Variants in CELSR3 observed in about 807,000 individuals in gnomAD.
CELSR3 encodes cadherin EGF LAG seven-pass G-type receptor 3.
In CELSR3, 73 loss-of-function variants were observed where a neutral mutation model predicts 270.0. The ratio of observed to expected loss-of-function variants is 0.27; its 90% CI spans 0.22 to 0.33. The LOEUF (loss-of-function observed/expected upper bound fraction) is 0.33. Ranked by LOEUF, CELSR3 falls within the 10% of genes least tolerant of loss-of-function variation. CELSR3 has a pLI of 1.00. For synonymous variants in CELSR3, 1,780 were observed against 1,905.4 expected (o/e 0.93, Z 1.71); for missense variants, 3,614 against 4,533.8 (o/e 0.80, Z 5.83).
chr3:48,642,787 C>G lies in CELSR3; in HGVS notation c.8504G>C (p.Arg2835Pro). ...ASTVSSVSSA[R>P]SGRTQDQDSQ... ...GTCCTGGTCCTGGGTCCGGCCGGAGCGGGCACTGCTCACAGAGGAGACGGT... is the reference window on the plus strand; with the variant it reads ...GTCCTGGTCCTGGGTCCGGCCGGAGGGGGCACTGCTCACAGAGGAGACGGT... Residue 2835 changes from arginine to proline, a missense_variant, in exon 30 of 35, where the codon CGC becomes CCC. Physicochemically the swap from Arg to Pro is moderately radical, Grantham distance 103. Around this residue, in one of 7 missense-constraint regions of CELSR3, gnomAD observed 1,240 missense variants for 1,351.7 expected, o/e 0.92. Coordinates refer to ENST00000164024, the MANE Select transcript of CELSR3 (RefSeq NM_001407.3). The surrounding 1 kb of genome is among the most constrained non-coding windows in gnomAD (Gnocchi z 6.1). 6.2e-7 allele frequency: 1 copy of G among 1,612,766 alleles called. No homozygotes were observed. The highest frequency in any genetic ancestry group is 8.5e-7 in the Non-Finnish European group (1 of 1,179,920).
In CELSR3 at chr3:48,648,252, C is replaced by A. The variant is rs1559478366; in HGVS notation, c.6973+14G>T. On this transcript the variant is annotated intron_variant, in intron 19 of 34. Transcript: ENST00000164024. Reference sequence around the variant, plus strand: ...CCCCCTGCTGTGCCCCGCCCTACCCCACCCACAACGCACTGATATTAGGCG... The same window carrying A: ...CCCCCTGCTGTGCCCCGCCCTACCCAACCCACAACGCACTGATATTAGGCG... 3 of 1,577,548 alleles carry A rather than the reference C, an allele frequency of 1.9e-6. No individual in the cohort carries two copies. In the East Asian group the frequency reaches 6.7e-5, roughly 35 times the overall value.
Position 48,646,160 on chromosome 3 carries a change from G to A in CELSR3, c.7393C>T (p.Leu2465=), listed in dbSNP as rs2047081828. 6.2e-7 allele frequency: 1 copy of A among 1,612,846 alleles called. No individual in the cohort carries two copies. The change falls in exon 22 of 35, where the codon CTA becomes TTA. Residue 2465 remains leucine (L), a synonymous_variant. Coordinates refer to ENST00000164024, the MANE Select transcript of CELSR3 (RefSeq NM_001407.3). The surrounding 1 kb of genome is among the most constrained non-coding windows in gnomAD (Gnocchi z 4.8). ...LRGILESPIS[L]EFRLLQTANR... Reference sequence around the variant, plus strand: ...GCTGTCTGTAGCAGGCGAAACTCTAGGCTGATGGGGGACTCCAGGATTCCC... The same window carrying A: ...GCTGTCTGTAGCAGGCGAAACTCTAAGCTGATGGGGGACTCCAGGATTCCC...
chr3:48,644,788 A>G lies in CELSR3; in HGVS notation c.8013T>C (p.Pro2671=). The G allele has an allele frequency of 6.2e-7, 1 of 1,613,542 alleles. No individual in the cohort carries two copies. ...CGTGGACTGAGATCCAGCAGAAGTC[A>G]GGGTTCCCATAGCCCTCAGGGTCCA... ...VGLDPEGYGN[P]DFCWISVHEP... is the part of the protein sequence containing the mutation. The change falls in exon 26 of 35, where the codon CCT becomes CCC. Residue 2671 remains proline (P), a synonymous_variant. Transcript: ENST00000164024. This position sits in a 1 kb window ranked among gnomAD's most constrained non-coding sequence, Gnocchi z 4.8.
In CELSR3 at chr3:48,651,395, G is replaced by T; in HGVS notation, c.6150C>A (p.Pro2050=). 3.1e-6 allele frequency: 5 copies of T among 1,614,078 alleles called. No homozygotes were observed. Among genetic ancestry groups the T allele is most frequent in the Non-Finnish European group, 4.2e-6 (5 of 1,179,964 alleles). ...CNCDVHKGFD[P]NCNKTNGQCH... The stretch of plus-strand genomic sequence containing the variant: ...ACTGCCCATTTGTCTTGTTGCAGTT[G>T]GGATCAAAACCTTTGTGAACATCAC... Residue 2050 remains proline (P), a synonymous_variant, in exon 14 of 35, where the codon CCC becomes CCA. Coordinates refer to ENST00000164024, the MANE Select transcript of CELSR3 (RefSeq NM_001407.3). This position sits in a 1 kb window ranked among gnomAD's most constrained non-coding sequence, Gnocchi z 7.4.
chr3:48,662,103 G>A lies in CELSR3; in HGVS notation c.532C>T (p.Arg178Trp). ...SSPLPSDFLI[R>W]HHGPKPVSSQ... ...GACACCGGCTTGGGACCGTGGTGCC[G>A]AATCAAAAAGTCTGAAGGGAGGGGC... Residue 178 changes from arginine (R) to tryptophan (W), a missense_variant, in exon 1 of 35, where the codon CGG becomes TGG. Coordinates refer to ENST00000164024, the MANE Select transcript of CELSR3 (RefSeq NM_001407.3). The surrounding 1 kb of genome is among the most constrained non-coding windows in gnomAD (Gnocchi z 7.1). 2 of 1,613,792 alleles carry A rather than the reference G, an allele frequency of 1.2e-6. No homozygotes were observed. The highest frequency in any genetic ancestry group is 1.7e-6 in the Non-Finnish European group (2 of 1,179,970).
At position 48,659,200 on chromosome 3, in the gene CELSR3, T is replaced by A. The variant is rs2077045797; in HGVS notation, c.3435A>T (p.Thr1145=). 1.9e-6 allele frequency: 3 copies of A among 1,614,222 alleles called. 1 individual carries two copies. In the Middle Eastern group the frequency reaches 4.9e-4, roughly 266 times the overall value. The change falls in exon 1 of 35, where the codon ACA becomes ACT. Residue 1145 remains threonine, a synonymous_variant. Transcript: ENST00000164024. The surrounding 1 kb of genome is among the most constrained non-coding windows in gnomAD (Gnocchi z 8.1). ...RQEYVIVVQA[T]SAPLVSRATV... ...TGGCCCGGCTGACCAAAGGAGCAGA[T>A]GTGGCCTGCACCACAATCACATATT...
At position 48,642,365 on chromosome 3, in the gene CELSR3, T is replaced by G. The variant is rs151064682; in HGVS notation, c.8658A>C (p.Arg2886=). 677 of 1,612,330 alleles carry G rather than the reference T, an allele frequency of 4.2e-4. 4 individuals carry two copies. In the East Asian group the frequency reaches 0.013, roughly 30 times the overall value. Residue 2886 remains arginine, a synonymous_variant, in exon 31 of 35, where the codon CGA becomes CGC. Transcript: ENST00000164024. This position sits in a 1 kb window ranked among gnomAD's most constrained non-coding sequence, Gnocchi z 6.1. The part of the protein sequence containing the change: ...PTDLDVAMFH[R]DAGADSDSDS... ...CCCAGGCCCCAACTCCACCAGCATC[T>G]CGATGGAACATGGCCACGTCCAGGT...
rs569520833 is a variant in CELSR3, at chr3:48,645,499, C to T, written c.7741G>A (p.Ala2581Thr). The T allele has an allele frequency of 1.7e-5, 27 of 1,612,826 alleles. No homozygotes were observed. In the South Asian group the frequency reaches 1.9e-4, roughly 11 times the overall value. ...AAGAGGAGCTCTGCCACCCCCAGGG[C>T]GGCTGCCACATTGGCATGGATCCCA... is the stretch of plus-strand genomic sequence containing the variant. ...VRGIHANVAA[A>T]LGVAELLFLL... Residue 2581 changes from alanine to threonine, a missense_variant, in exon 24 of 35, where the codon GCC becomes ACC. Physicochemically the swap from Ala to Thr is moderately conservative, Grantham distance 58 (BLOSUM62 0). Coordinates refer to ENST00000164024, the MANE Select transcript of CELSR3 (RefSeq NM_001407.3). This position sits in a 1 kb window ranked among gnomAD's most constrained non-coding sequence, Gnocchi z 5.4.
chr3:48,662,781 G>A lies in CELSR3; in HGVS notation c.-147C>T, dbSNP rs1207651360. 3 of 308,658 alleles carry A rather than the reference G, an allele frequency of 9.7e-6. No homozygotes were observed. Among genetic ancestry groups the A allele is most frequent in the Non-Finnish European group, 1.7e-5 (3 of 172,846 alleles). 19.1% of individuals were successfully genotyped at this position (308,658 alleles called of 1,614,324 possible). The stretch of plus-strand genomic sequence containing the variant: ...TCTCTCCGCACCCCCGCCGCCCTCT[G>A]GGCACCATCTACTCCGCGGCCGGAG... On this transcript the variant is annotated 5_prime_UTR_variant, in exon 1 of 35. Transcript: ENST00000164024. This position sits in a 1 kb window ranked among gnomAD's most constrained non-coding sequence, Gnocchi z 7.1.
intron 20 of CELSR3, 106 bp from the exon 21 acceptor site, chr3:48,647,034 C>T: frequency 8.7e-7 from 1 of 1,146,242 alleles, no homozygotes; most frequent in African/African-American, 1.6e-5. Context: ...CCTGCAGGAG[C>T]AGAATTGGGG....
At position 48,660,670 on chromosome 3, in the gene CELSR3, G is replaced by C. The variant is rs376345083; in HGVS notation, c.1965C>G (p.Pro655=). Reference sequence around the variant, plus strand: ...CATTTTCCAAGACAGAAACTTGGAAGGGCGTGCTGACAAAAATAGGAATGT... The same window carrying C: ...CATTTTCCAAGACAGAAACTTGGAACGGCGTGCTGACAAAAATAGGAATGT... ...NDHIPIFVST[P]FQVSVLENAP... is the part of the protein sequence containing the mutation. Residue 655 remains proline, a synonymous_variant, in exon 1 of 35, where the codon CCC becomes CCG. Coordinates refer to ENST00000164024, the MANE Select transcript of CELSR3 (RefSeq NM_001407.3). This position sits in a 1 kb window ranked among gnomAD's most constrained non-coding sequence, Gnocchi z 5.5. 1 of 1,614,154 alleles carries C rather than the reference G, an allele frequency of 6.2e-7. No individual in the cohort carries two copies. The highest frequency in any genetic ancestry group is 8.5e-7 in the Non-Finnish European group (1 of 1,180,042).
chr3:48,641,637 C>T lies in CELSR3; in HGVS notation c.8825-113G>A. 1 of 883,170 alleles carries T rather than the reference C, an allele frequency of 1.1e-6. No homozygotes were observed. Among genetic ancestry groups the T allele is most frequent in the East Asian group, 2.6e-5 (1 of 38,940 alleles). The allele number at this position is 883,170 out of a possible 1,614,324, so 54.7% of individuals were successfully genotyped here. A position where few individuals can be genotyped will look rare whatever the true frequency, so the allele number is the denominator to read the frequency against. On this transcript the variant is annotated intron_variant, in intron 32 of 34. Transcript: ENST00000164024. This position sits in a 1 kb window ranked among gnomAD's most constrained non-coding sequence, Gnocchi z 4.8. Reference sequence around the variant, plus strand: ...TGTTCTCATTGAGCAGAGGTGGGAACAGGAGGGTATCTCCTCAGAGATCAA... The same window carrying T: ...TGTTCTCATTGAGCAGAGGTGGGAATAGGAGGGTATCTCCTCAGAGATCAA...
Position 48,660,218 on chromosome 3 carries a change from G to A in CELSR3, c.2417C>T (p.Thr806Ile). The change falls in exon 1 of 35, where the codon ACC becomes ATC. Residue 806 changes from threonine (T) to isoleucine (I), a missense_variant. Transcript: ENST00000164024. The surrounding 1 kb of genome is among the most constrained non-coding windows in gnomAD (Gnocchi z 5.5). ...AGTCACCAGACCCACACCCCCCTGG[G>A]TGCTGATGGCAAAGCGATTCCGGGT... Reference protein sequence around the residue: ...GNTRNRFAISTQGGVGLVTLA... With the variant: ...GNTRNRFAISIQGGVGLVTLA... The A allele has an allele frequency of 6.2e-7, 1 of 1,614,136 alleles. No homozygotes were observed. The highest frequency in any genetic ancestry group is 8.5e-7 in the Non-Finnish European group (1 of 1,180,046).
At position 48,639,579 on chromosome 3, in the gene CELSR3, C is replaced by T; in HGVS notation, c.9911+95G>A. The T allele has an allele frequency of 6.6e-7, 1 of 1,517,362 alleles. No individual in the cohort carries two copies. The allele number at this position is 1,517,362 out of a possible 1,614,324, so 94.0% of individuals were successfully genotyped here. ...GGGGTAGCCCACACCTGTCTGCCAG[C>T]CCTCATCCCCTTCTGTGGCAGAACA... On this transcript the variant is annotated intron_variant, in intron 34 of 34. Transcript: ENST00000164024. The surrounding 1 kb of genome is among the most constrained non-coding windows in gnomAD (Gnocchi z 4.1).
chr3:48,645,149 G>A lies in CELSR3; in HGVS notation c.7858C>T (p.Leu2620Phe), dbSNP rs140834262. Residue 2620 changes from leucine (L) to phenylalanine (F), a missense_variant, in exon 25 of 35, where the codon CTC becomes TTC. This residue lies in a region of CELSR3 where 1,240 missense variants were observed against 1,351.7 expected (regional missense o/e 0.92). Coordinates refer to ENST00000164024, the MANE Select transcript of CELSR3 (RefSeq NM_001407.3). This position sits in a 1 kb window ranked among gnomAD's most constrained non-coding sequence, Gnocchi z 5.4. ...TAGAGGTGCAGCCCCTGCACGAAGAGCCACGCGAAGGTGCTGAGGAAGAAG... is the reference window on the plus strand; with the variant it reads ...TAGAGGTGCAGCCCCTGCACGAAGAACCACGCGAAGGTGCTGAGGAAGAAG... ...HYFFLSTFAW[L>F]FVQGLHLYRM... 7.5e-6 allele frequency: 12 copies of A among 1,598,874 alleles called. No individual in the cohort carries two copies. In the African/African-American group the frequency reaches 1.6e-4, roughly 21 times the overall value.
chr3:48,661,159 G>A lies in CELSR3; in HGVS notation c.1476C>T (p.Ser492=), dbSNP rs374679965. 18 of 1,601,874 alleles carry A rather than the reference G, an allele frequency of 1.1e-5. No individual in the cohort carries two copies. Among genetic ancestry groups the A allele is most frequent in the Middle Eastern group, 1.7e-4 (1 of 5,952 alleles). Residue 492 remains serine, a synonymous_variant, in exon 1 of 35, where the codon TCC becomes TCT. Transcript: ENST00000164024. Reference sequence around the variant, plus strand: ...CTCGGCCGCTGGTGCTGATGAGGCCGGAGCGTGGATCAATCTCGAAGGCGG... The same window carrying A: ...CTCGGCCGCTGGTGCTGATGAGGCCAGAGCGTGGATCAATCTCGAAGGCGG... ...AAAAFEIDPR[S]GLISTSGRVD...
In CELSR3 at chr3:48,662,246, C is replaced by T. The variant is rs1358190452; in HGVS notation, c.389G>A (p.Gly130Glu). ...CTCTGGGCGCCAGTATAACACAGAC[C>T]CTGGTCCCTGTCCTGTCTCTCGTTC... ...SRERETGQGP[G>E]SVLYWRPEVS... The change falls in exon 1 of 35, where the codon GGG (glycine) becomes GAG (glutamate). Residue 130 changes from glycine (G) to glutamate (E), a missense_variant. Coordinates refer to ENST00000164024, the MANE Select transcript of CELSR3 (RefSeq NM_001407.3). This position sits in a 1 kb window ranked among gnomAD's most constrained non-coding sequence, Gnocchi z 7.1. 7.4e-6 allele frequency: 12 copies of T among 1,613,158 alleles called. No homozygotes were observed. The highest frequency in any genetic ancestry group is 1.0e-5 in the Non-Finnish European group (12 of 1,180,034).
rs1243562409 is a variant in CELSR3, at chr3:48,655,496, G to A, written c.4742-102C>T. 1.7e-6 allele frequency: 2 copies of A among 1,194,918 alleles called. No individual in the cohort carries two copies. Among genetic ancestry groups the A allele is most frequent in the Non-Finnish European group, 1.2e-6 (1 of 813,970 alleles). The allele number at this position is 1,194,918 out of a possible 1,614,324, so 74.0% of individuals were successfully genotyped here. A position where few individuals can be genotyped will look rare whatever the true frequency, so the allele number is the denominator to read the frequency against. On this transcript the variant is annotated intron_variant, in intron 4 of 34. Coordinates refer to ENST00000164024, the MANE Select transcript of CELSR3 (RefSeq NM_001407.3). The surrounding 1 kb of genome is among the most constrained non-coding windows in gnomAD (Gnocchi z 5.8). ...TCCCAGGGCCACCCTGGATGCATCAGATCAGTCCCCCCACTGGTGACCACA... is the reference window on the plus strand; with the variant it reads ...TCCCAGGGCCACCCTGGATGCATCAAATCAGTCCCCCCACTGGTGACCACA...
rs1393439351 is a variant in CELSR3 at position 48,644,675 on chromosome 3, G to A, written c.8085+41C>T. On this transcript the variant is annotated intron_variant, in intron 26 of 34. Coordinates refer to ENST00000164024, the MANE Select transcript of CELSR3 (RefSeq NM_001407.3). The surrounding 1 kb of genome is among the most constrained non-coding windows in gnomAD (Gnocchi z 4.8). ...CCACTGCACCTCCTCCCCCAATGAG[G>A]GAGGGAAGTACAGAGGGGGCACCAA... is the stretch of plus-strand genomic sequence containing the variant. 6.7e-7 allele frequency: 1 copy of A among 1,498,562 alleles called. No homozygotes were observed. Among genetic ancestry groups the A allele is most frequent in the Non-Finnish European group, 9.3e-7 (1 of 1,077,098 alleles). The allele number at this position is 1,498,562 out of a possible 1,614,324, so 92.8% of individuals were successfully genotyped here. A position where few individuals can be genotyped will look rare whatever the true frequency, so the allele number is the denominator to read the frequency against.
Sources: allele counts gnomAD v4.1 joint callset, GRCh38; gene constraint gnomAD v4.1.1; regional missense constraint gnomAD v4.1.1; non-coding constraint Gnocchi (gnomAD v3.1); transcripts MANE v1.5; gene names NCBI Gene and HGNC (gene_info 2026-07-23, HGNC 2026-07-21).